SBSPON: variants seen among roughly 807,000 people sequenced by gnomAD.
SBSPON encodes the protein somatomedin-B and thrombospondin type-1 domain-containing protein.
In SBSPON, 30 loss-of-function variants were observed where a neutral mutation model predicts 35.8. The observed-to-expected ratio is 0.84, with a 90% CI of 0.63 to 1.14. The LOEUF (loss-of-function observed/expected upper bound fraction) is 1.14, where lower values mean the gene tolerates loss of function less well. Among genes scored for constraint, SBSPON ranks in the 50% most tolerant of loss-of-function variants. The pLI, the probability that SBSPON is intolerant of heterozygous loss-of-function variation, is 0.00. For synonymous variants in SBSPON, 136 were observed against 135.9 expected (o/e 1.00, Z 0.00); for missense variants, 364 against 357.7 (o/e 1.02, Z -0.14).
chr8:73,085,441 A>T (rs1323946632), intron 1 of SBSPON: 2 of 151,728 alleles, frequency 1.3e-5, no homozygotes, highest in African/African-American at 4.8e-5. Context: ...AAAAAAAAAA[A>T]AATCCATGCT....
Position 73,066,543 on chromosome 8 carries a change from G to GAT in SBSPON, c.*796_*797dup, listed in dbSNP as rs773105766. ...CTAAACTTGAAGCTGGACTCTGAAA[G>GAT]ATTATTTTATTCAGCTTCAGGCTTT... On this transcript the variant is annotated 3_prime_UTR_variant, in exon 5 of 5. Coordinates refer to ENST00000297354, the MANE Select transcript of SBSPON (RefSeq NM_153225.4). The GAT allele has an allele frequency of 1.3e-5, 2 of 152,152 alleles. No homozygotes were observed. The highest frequency in any genetic ancestry group is 1.9e-4 in the East Asian group (1 of 5,198). The allele number at this position is 152,152 out of a possible 1,614,324, so 9.4% of individuals were successfully genotyped here. A position where few individuals can be genotyped will look rare whatever the true frequency, so the allele number is the denominator to read the frequency against.
chr8:73,073,630 A>G (rs1380720159), intron 2 of SBSPON, among the ~76,000 whole-genome samples: 1 of 151,994 alleles, frequency 6.6e-6, no homozygotes, highest in Non-Finnish European at 1.5e-5. Context: ...ACATGGTGAA[A>G]CCCTGTCTCT....
At chr8:73,080,043 G>A (rs1049554698) in intron 2 of SBSPON, among the ~76,000 whole-genome samples, 1 of 152,186 alleles carries the variant, frequency 6.6e-6, no homozygotes, top group African/African-American at 2.4e-5. Context: ...ATTCAATGCA[G>A]ATCAACACAT....
At chr8:73,085,546 G>A (rs763888206) in intron 1 of SBSPON, 1 of 151,952 alleles carries the variant, frequency 6.6e-6, no homozygotes, top group Non-Finnish European at 1.5e-5. Flanking sequence ...CCAAGGTCAT[G>A]TCTTCTGCTT....
At chr8:73,087,614 T>C (rs1810857320) in intron 1 of SBSPON, among the ~76,000 whole-genome samples, 1 of 152,198 alleles carries the variant, frequency 6.6e-6, no homozygotes, top group African/African-American at 2.4e-5. Flanking sequence ...GACTCTGGCA[T>C]CTTTCCTTTG....
chr8:73,093,038 C>G lies in SBSPON; in HGVS notation c.30G>C (p.Ala10=). 2 of 1,379,274 alleles carry G rather than the reference C, an allele frequency of 1.5e-6. No individual in the cohort carries two copies. The highest frequency in any genetic ancestry group is 4.1e-5 in the Admixed American group (1 of 24,582). The allele number at this position is 1,379,274 out of a possible 1,614,324, so 85.4% of individuals were successfully genotyped here. A position where few individuals can be genotyped will look rare whatever the true frequency, so the allele number is the denominator to read the frequency against. The change falls in exon 1 of 5, where the codon GCG becomes GCC. Residue 10 remains alanine (A), a synonymous_variant. Transcript: ENST00000297354. MRTLWMALC[A]LSRLWPGAQA... ...GGGCCCCGGGCCACAGCCGCGACAG[C>G]GCGCACAGCGCCATCCACAGGGTCC...
chr8:73,088,867 C>T (rs1170584368), intron 1 of SBSPON, among the ~76,000 whole-genome samples: 1 of 152,150 alleles, frequency 6.6e-6, no homozygotes, highest in Non-Finnish European at 1.5e-5. Flanking sequence ...CAGCTCTGCT[C>T]ATTGGTGTTA....
rs1193943127 is a variant in SBSPON, at chr8:73,071,728, TGACTA to T, written c.500+47_500+51del. 2.7e-6 allele frequency: 3 copies of T among 1,102,996 alleles called. No individual in the cohort carries two copies. The African/African-American group carries it at 4.8e-5, about 18-fold the overall frequency. The allele number at this position is 1,102,996 out of a possible 1,614,324, so 68.3% of individuals were successfully genotyped here. Reference sequence around the variant, plus strand: ...CCAAGTTGACCCTCTTGCATTGACTTGACTATACAATTGAAAAACATGATTAAAAA... The same window carrying T: ...CCAAGTTGACCCTCTTGCATTGACTTTACAATTGAAAAACATGATTAAAAA... On this transcript the variant is annotated intron_variant, in intron 3 of 4. Coordinates refer to ENST00000297354, the MANE Select transcript of SBSPON (RefSeq NM_153225.4).
intron 1 of SBSPON, among the ~76,000 whole-genome samples, chr8:73,086,318 G>A (rs1344732066): frequency 1.3e-5 from 2 of 151,958 alleles, no homozygotes; most frequent in South Asian, 2.1e-4. Flanking sequence ...GCACCTCCCT[G>A]CCTGGCTAAT....
Position 73,067,474 on chromosome 8 carries a change from G to A in SBSPON, c.678-16C>T, listed in dbSNP as rs375157344. The A allele has an allele frequency of 1.1e-4, 156 of 1,454,658 alleles. 2 individuals are homozygous for A. Among genetic ancestry groups the A allele is most frequent in the South Asian group, 9.1e-4 (80 of 87,796 alleles). 90.1% of individuals were successfully genotyped at this position (1,454,658 alleles called of 1,614,324 possible). A position where few individuals can be genotyped will look rare whatever the true frequency, so the allele number is the denominator to read the frequency against. On this transcript the variant is annotated splice_polypyrimidine_tract_variant and intron_variant, in intron 4 of 4. Coordinates refer to ENST00000297354, the MANE Select transcript of SBSPON (RefSeq NM_153225.4). ...AGTCTGATTTCTGAAACGATATTTC[G>A]AAAGTGTTAGTTACACTAAAAGCAT...
intron 3 of SBSPON, 120 bp from the exon 4 acceptor site, chr8:73,070,101 A>T: frequency 1.8e-6 from 1 of 569,684 alleles, no homozygotes; most frequent in East Asian, 3.0e-5. Context: ...GGTAGTGAGT[A>T]CATCTTCACA....
chr8:73,089,818 C>A (rs980865437), intron 1 of SBSPON, among the ~76,000 whole-genome samples: 1 of 152,194 alleles, frequency 6.6e-6, no homozygotes, highest in South Asian at 2.1e-4. Flanking sequence ...TCTGGGCTTG[C>A]CAGGCATAGC....
intron 3 of SBSPON, among the ~76,000 whole-genome samples, chr8:73,071,540 T>C (rs182013561): frequency 1.3e-5 from 2 of 152,234 alleles, no homozygotes; most frequent in African/African-American, 4.8e-5. Context: ...AATAATCTCA[T>C]TTGTATATAG....
At chr8:73,080,936 C>T in intron 2 of SBSPON, 83 bp downstream of exon 2, 7 of 1,268,418 alleles carry the variant, frequency 5.5e-6, no homozygotes, top group Non-Finnish European at 7.6e-6. Flanking sequence ...ACCTTCCCTG[C>T]ACAGCATATG....
intron 1 of SBSPON, among the ~76,000 whole-genome samples, chr8:73,088,684 A>G (rs1810878868): frequency 7.3e-6 from 1 of 137,366 alleles, no homozygotes. Flanking sequence ...TCCCATCTCA[A>G]AAAGAAAAAA....
chr8:73,077,647 A>G (rs1165406715), intron 2 of SBSPON, among the ~76,000 whole-genome samples: 2 of 152,248 alleles, frequency 1.3e-5, no homozygotes, highest in Non-Finnish European at 2.9e-5. Flanking sequence ...ACATAAGTGA[A>G]TGCTTAGTGC....
In SBSPON at chr8:73,093,101, G is replaced by T; in HGVS notation, c.-34C>A. On this transcript the variant is annotated 5_prime_UTR_variant, in exon 1 of 5. It adds an upstream start codon to the 5' untranslated region. Transcript: ENST00000297354. ...CTCCGGCGGCGCCTGCGACGCGACAGACCCCCGGGGCAAGCGCTCTGATCC... is the reference window on the plus strand; with the variant it reads ...CTCCGGCGGCGCCTGCGACGCGACATACCCCCGGGGCAAGCGCTCTGATCC... 2 of 1,209,412 alleles carry T rather than the reference G, an allele frequency of 1.7e-6. No individual in the cohort carries two copies. The highest frequency in any genetic ancestry group is 2.1e-6 in the Non-Finnish European group (2 of 948,676). 74.9% of individuals were successfully genotyped at this position (1,209,412 alleles called of 1,614,324 possible).
chr8:73,075,720 A>C (rs927732179), intron 2 of SBSPON: 1 of 824,144 alleles, frequency 1.2e-6, no homozygotes, highest in Non-Finnish European at 1.5e-6. Flanking sequence ...GGGGTGTCAC[A>C]AAAGCAGGCC....
chr8:73,077,892 C>T (rs1193262007), intron 2 of SBSPON, among the ~76,000 whole-genome samples: 2 of 152,210 alleles, frequency 1.3e-5, no homozygotes, highest in African/African-American at 4.8e-5. Context: ...AATGCAGATC[C>T]ACATAATAAA....
Sources: gnomAD v4.1 joint callset for allele counts (sites outside exome capture counted in the v4.1 genomes callset) on GRCh38, gnomAD v4.1.1 for gene constraint, MANE v1.5 for transcripts, NCBI Gene and HGNC (gene_info 2026-07-23, HGNC 2026-07-21) for gene names.